OAS1: variants seen among roughly 807,000 people sequenced by gnomAD.
The protein encoded by OAS1 is 2'-5'-oligoadenylate synthase 1.
Under a neutral mutation model 38.5 loss-of-function variants are expected in OAS1, and 24 were observed. That is an observed-to-expected ratio of 0.62 (90% CI 0.45 to 0.88). OAS1 has a LOEUF of 0.88. OAS1 is among the 40% of genes least tolerant of loss of function. The probability of loss-of-function intolerance (pLI) is 0.00; values close to 1 mark genes in which losing one functional copy is unlikely to be tolerated. For synonymous variants in OAS1, 169 were observed against 193.9 expected (o/e 0.87, Z 1.07); for missense variants, 482 against 493.9 (o/e 0.98, Z 0.23).
intron 6 of OAS1, among the ~76,000 whole-genome samples, chr12:112,928,595 C>A (rs1310574320): frequency 6.6e-6 from 1 of 152,196 alleles, no homozygotes; most frequent in Non-Finnish European, 1.5e-5. Context: ...CTGTTCTGTG[C>A]GTGTCTTCTG....
Position 112,908,705 on chromosome 12 carries a change from T to G in OAS1, c.350T>G (p.Val117Gly). ...EACQRERAFS[V>G]KFEVQAPRWG... ...TGTCAAAGAGAGAGAGCATTTTCCG[T>G]GAAGTTTGAGGTCCAGGCTCCACGC... Residue 117 changes from valine (V) to glycine (G), a missense_variant, in exon 2 of 6, where the codon GTG becomes GGG. Transcript: ENST00000202917. 6.2e-7 allele frequency: 1 copy of G among 1,614,150 alleles called. No individual in the cohort carries two copies. The highest frequency in any genetic ancestry group is 1.1e-5 in the South Asian group (1 of 91,084).
downstream of OAS1, among the ~76,000 whole-genome samples, chr12:112,924,052 T>C (rs920695335): frequency 1.3e-5 from 2 of 152,220 alleles, no homozygotes; most frequent in South Asian, 4.1e-4. Context: ...AAGGCATTTA[T>C]TTTTATATGG....
Position 112,908,516 on chromosome 12 carries a change from A to AT in OAS1, c.181-15dup, listed in dbSNP as rs751556442. ...TTTGCCTCACTAAGCATCAATTATT[A>AT]TTTTTGTCGTCTTTTTCAGGGTGGC... On this transcript the variant is annotated intron_variant, in intron 1 of 5. Transcript: ENST00000202917. 1.0e-5 allele frequency: 16 copies of AT among 1,595,482 alleles called. No homozygotes were observed. The East Asian group carries it at 3.6e-4, about 36-fold the overall frequency.
chr12:112,932,554 C>T (rs1408633737), downstream of OAS1: 1 of 152,408 alleles, frequency 6.6e-6, no homozygotes, highest in Non-Finnish European at 1.5e-5. Context: ...GCTCACACCA[C>T]TGCACTCCAG....
chr12:112,927,022 G>A (rs939570675), intron 6 of OAS1, among the ~76,000 whole-genome samples: 2 of 152,182 alleles, frequency 1.3e-5, no homozygotes, highest in African/African-American at 4.8e-5. Context: ...CTGGCTCCCA[G>A]GCAGTCAGAC....
chr12:112,922,559 G>A (rs1438310253), downstream of OAS1, among the ~76,000 whole-genome samples: 12 of 151,952 alleles, frequency 7.9e-5, no homozygotes, highest in Admixed American at 7.9e-4. Context: ...CTGCCCTATT[G>A]CCCTTATCAA....
Position 112,916,570 on chromosome 12 carries a change from C to T in OAS1, c.716C>T (p.Ala239Val). The change falls in exon 4 of 6, where the codon GCT becomes GTT. Residue 239 changes from alanine to valine, a missense_variant. By Grantham distance (64) the Ala-to-Val change is moderately conservative. Transcript: ENST00000202917. ...QYALELLTVY[A>V]WERGSMKTHF... ...GCCCTGGAGCTCCTGACGGTCTATG[C>T]TTGGGAGCGAGGGAGCATGAAAACA... 1 of 1,614,132 alleles carries T rather than the reference C, an allele frequency of 6.2e-7. No individual in the cohort carries two copies. Among genetic ancestry groups the T allele is most frequent in the Non-Finnish European group, 8.5e-7 (1 of 1,180,038 alleles).
At chr12:112,927,107 T>C (rs888823129) in intron 6 of OAS1, among the ~76,000 whole-genome samples, 1 of 152,202 alleles carries the variant, frequency 6.6e-6, no homozygotes, top group Admixed American at 6.5e-5. Flanking sequence ...GATTTCATAT[T>C]GTTCAAACAC....
intron 6 of OAS1, among the ~76,000 whole-genome samples, chr12:112,930,686 C>A (rs2043591859): frequency 6.6e-6 from 1 of 152,256 alleles, no homozygotes; most frequent in African/African-American, 2.4e-5. Context: ...CCCAGTGTGA[C>A]CCTCAAGAGC....
chr12:112,923,268 G>A (rs1260634983), downstream of OAS1, among the ~76,000 whole-genome samples: 2 of 152,140 alleles, frequency 1.3e-5, no homozygotes, highest in Admixed American at 6.6e-5. Flanking sequence ...GGAACATATC[G>A]TAGTTCCATT....
rs1265935047 is a variant in OAS1, at chr12:112,916,632, G to A, written c.778G>A (p.Glu260Lys). ...AGCCCAGGGATTTCGGACGGTCTTG[G>A]AATTAGTCATAAACTACCAGCAACT... The part of the protein sequence containing the change: ...NTAQGFRTVL[E>K]LVINYQQLCI... The change falls in exon 4 of 6, where the codon GAA becomes AAA. Residue 260 changes from glutamate (E) to lysine (K), a missense_variant. By Grantham distance (56) the Glu-to-Lys change is moderately conservative (BLOSUM62 1). Transcript: ENST00000202917. 2 of 1,614,000 alleles carry A rather than the reference G, an allele frequency of 1.2e-6. No individual in the cohort carries two copies. Among genetic ancestry groups the A allele is most frequent in the Non-Finnish European group, 1.7e-6 (2 of 1,180,034 alleles).
chr12:112,919,978 A>G (rs1012531370), downstream of OAS1: 13 of 344,960 alleles, frequency 3.8e-5, no homozygotes, highest in African/African-American at 2.5e-4. Flanking sequence ...TTGTGTGTGT[A>G]TATACATTGA....
chr12:112,921,632 C>T (rs545460986), downstream of OAS1, among the ~76,000 whole-genome samples: 20 of 152,314 alleles, frequency 1.3e-4, no homozygotes, highest in East Asian at 3.9e-3. Flanking sequence ...CTCTGAATGA[C>T]ACCTTTTCCC....
intron 6 of OAS1, among the ~76,000 whole-genome samples, chr12:112,928,442 T>C (rs1233766094): frequency 6.6e-6 from 1 of 152,220 alleles, no homozygotes; most frequent in Non-Finnish European, 1.5e-5. Context: ...ACCCCAAAAC[T>C]CTCAGTAGCT....
downstream of OAS1, among the ~76,000 whole-genome samples, chr12:112,923,820 G>A (rs1461305556): frequency 6.6e-6 from 1 of 152,208 alleles, no homozygotes; most frequent in Non-Finnish European, 1.5e-5. Flanking sequence ...GGAAAGGACA[G>A]TGTCTTCAAC....
chr12:112,916,711 A>G lies in OAS1; in HGVS notation c.857A>G (p.Tyr286Cys). 3 of 1,614,156 alleles carry G rather than the reference A, an allele frequency of 1.9e-6. No homozygotes were observed. The highest frequency in any genetic ancestry group is 1.7e-6 in the Non-Finnish European group (2 of 1,179,994). ...TTTAAAAACCCCATTATTGAAAAGT[A>G]CCTGAGAAGGCAGCTCACGAAACCC... Reference protein sequence around the residue: ...YDFKNPIIEKYLRRQLTKPRP... With the variant: ...YDFKNPIIEKCLRRQLTKPRP... Residue 286 changes from tyrosine (Y) to cysteine (C), a missense_variant, in exon 4 of 6, where the codon TAC (tyrosine) becomes TGC (cysteine). Coordinates refer to ENST00000202917, the MANE Select transcript of OAS1 (RefSeq NM_016816.4).
At chr12:112,929,579 C>T (rs925601310) in intron 6 of OAS1, among the ~76,000 whole-genome samples, 5 of 152,160 alleles carry the variant, frequency 3.3e-5, no homozygotes, top group Non-Finnish European at 5.9e-5. Flanking sequence ...CAGGTGCTGT[C>T]CCAAACACTT....
intron 4 of OAS1, 141 bp from the exon 5 acceptor site, chr12:112,917,406 G>C: frequency 1.9e-6 from 2 of 1,077,032 alleles, no homozygotes; most frequent in Non-Finnish European, 2.7e-6. Context: ...TAGGGCACTG[G>C]GGACATACCC....
downstream of OAS1, among the ~76,000 whole-genome samples, chr12:112,922,304 G>A (rs2043535064): frequency 6.6e-6 from 1 of 152,138 alleles, no homozygotes; most frequent in South Asian, 2.1e-4. Context: ...AAATCAGGAA[G>A]GGATGATGAC....
Sources: gnomAD v4.1 joint callset for allele counts (sites outside exome capture counted in the v4.1 genomes callset) on GRCh38, gnomAD v4.1.1 for gene constraint, MANE v1.5 for transcripts, NCBI Gene and HGNC (gene_info 2026-07-23, HGNC 2026-07-21) for gene names.